CADM2: variants seen among roughly 807,000 people sequenced by gnomAD.
The protein encoded by CADM2 is cell adhesion molecule 2.
In CADM2, 12 loss-of-function variants were observed where a neutral mutation model predicts 49.8. That is an observed-to-expected ratio of 0.24 (90% CI 0.15 to 0.39). CADM2 has a LOEUF of 0.39. CADM2 is among the 10% of genes least tolerant of loss of function. The probability of loss-of-function intolerance (pLI) is 1.00; values close to 1 mark genes in which losing one functional copy is unlikely to be tolerated. For synonymous variants in CADM2, 214 were observed against 175.4 expected, an observed-to-expected ratio of 1.22 and a Z score of -1.74; for missense variants, 378 against 492.3, an observed-to-expected ratio of 0.77 and a Z score of 2.20.
chr3:85,552,551 T>G (rs1245651790), intron 1 of CADM2, among the ~76,000 whole-genome samples: 1 of 151,404 alleles, frequency 6.6e-6, no homozygotes, highest in South Asian at 2.1e-4. Flanking sequence ...TGGCTAATTT[T>G]TTGTATGTTT....
intron 1 of CADM2, among the ~76,000 whole-genome samples, chr3:85,223,985 A>C (rs1446932040): frequency 6.6e-6 from 1 of 152,032 alleles, no homozygotes; most frequent in Non-Finnish European, 1.5e-5. Context: ...TGCCACATTT[A>C]CTTTATCCAG....
chr3:85,556,723 C>T (rs1405903399), intron 1 of CADM2, among the ~76,000 whole-genome samples: 1 of 152,092 alleles, frequency 6.6e-6, no homozygotes, highest in Admixed American at 6.5e-5. Flanking sequence ...TCATTAAGAA[C>T]AGCAGTACAG....
At chr3:85,242,863 C>A (rs1054557779) in intron 1 of CADM2, among the ~76,000 whole-genome samples, 3 of 151,656 alleles carry the variant, frequency 2.0e-5, no homozygotes, top group African/African-American at 7.2e-5. Flanking sequence ...AATTACAACT[C>A]TTGTTCAAAA....
chr3:85,678,322 C>T lies in CADM2; in HGVS notation c.62-48200C>T, dbSNP rs557538610. On this transcript the variant is annotated intron_variant, in intron 1 of 9. Transcript: ENST00000383699. Reference sequence around the variant, plus strand: ...TAAGGCCATCTTTTTTGTCATCCCACCTTAGTACCAGACTTCATCCACTCT... The same window carrying T: ...TAAGGCCATCTTTTTTGTCATCCCATCTTAGTACCAGACTTCATCCACTCT... Among the ~76,000 whole-genome samples the T allele has an allele frequency of 3.9e-5, 6 of 152,216 alleles. No homozygotes were observed. In the South Asian group the frequency reaches 1.2e-3, roughly 32 times the overall value.
intron 3 of CADM2, among the ~76,000 whole-genome samples, chr3:85,876,618 G>A (rs965415595): frequency 3.9e-5 from 6 of 152,088 alleles, no homozygotes; most frequent in African/African-American, 1.4e-4. Flanking sequence ...TCTAAAATGT[G>A]ACATGAATTA....
chr3:85,955,024 G>A (rs997960759), intron 7 of CADM2, among the ~76,000 whole-genome samples: 2 of 151,236 alleles, frequency 1.3e-5, no homozygotes, highest in South Asian at 4.1e-4. Context: ...CTGAAATAAA[G>A]CCAGTAGACA....
intron 1 of CADM2, among the ~76,000 whole-genome samples, chr3:85,174,591 G>A (rs114496326): frequency 0.03 from 4,600 of 151,632 alleles, 99 homozygotes; most frequent in East Asian, 0.045. Flanking sequence ...TAGGGTGACC[G>A]TAAGGAAAAC....
chr3:86,012,954 G>A (rs1731731453), intron 8 of CADM2: 4 of 702,424 alleles, frequency 5.7e-6, no homozygotes, highest in East Asian at 2.8e-5. Flanking sequence ...CAGCCTGGGC[G>A]ACAGCGAGAC....
chr3:85,886,163 T>C, intron 4 of CADM2, 27 bp from the exon 5 acceptor site: 1 of 1,609,816 alleles, frequency 6.2e-7, no homozygotes, highest in South Asian at 1.1e-5. Context: ...AGATTGATGC[T>C]CACTTCATCA....
intron 1 of CADM2, among the ~76,000 whole-genome samples, chr3:85,359,664 A>ATTTTTT (rs1434535137): frequency 3.7e-4 from 11 of 30,024 alleles, no homozygotes; most frequent in South Asian, 1.1e-3. Context: ...ATATATATAT[A>ATTTTTT]TATTTTTTTT....
At position 85,898,121 on chromosome 3, in the gene CADM2, C is replaced by T. The variant is rs575644708; in HGVS notation, c.529+11794C>T. On this transcript the variant is annotated intron_variant, in intron 5 of 9. Coordinates refer to ENST00000383699, the MANE Select transcript of CADM2 (RefSeq NM_001167675.2). Reference sequence around the variant, plus strand: ...TTGAAGTTTTCTTAATGGTGTTAAACGCAGTACCTCAAGACTCAGGCAATA... The same window carrying T: ...TTGAAGTTTTCTTAATGGTGTTAAATGCAGTACCTCAAGACTCAGGCAATA... Among the ~76,000 whole-genome samples the T allele has an allele frequency of 9.2e-5, 14 of 152,148 alleles. No homozygotes were observed. In the East Asian group the frequency reaches 1.7e-3, roughly 19 times the overall value.
At chr3:86,055,652 T>C (rs1409059357) in intron 8 of CADM2, among the ~76,000 whole-genome samples, 1 of 151,840 alleles carries the variant, frequency 6.6e-6, no homozygotes, top group Non-Finnish European at 1.5e-5. Flanking sequence ...TTTAGGGCAC[T>C]AATTCCATTA....
chr3:85,041,776 G>A (rs899386093), intron 1 of CADM2, among the ~76,000 whole-genome samples: 2 of 152,138 alleles, frequency 1.3e-5, no homozygotes, highest in African/African-American at 4.8e-5. Context: ...GAAGAAAATG[G>A]TGTTACTGTT....
chr3:85,102,681 A>C (rs1326093610), intron 1 of CADM2, among the ~76,000 whole-genome samples: 7 of 152,124 alleles, frequency 4.6e-5, no homozygotes, highest in African/African-American at 1.7e-4. Flanking sequence ...AAAAACTAGA[A>C]TTGTCTTAGG....
intron 1 of CADM2, among the ~76,000 whole-genome samples, chr3:85,483,495 G>T (rs2039295594): frequency 6.6e-6 from 1 of 150,798 alleles, no homozygotes; most frequent in Non-Finnish European, 1.5e-5. Context: ...TTTGAGAATT[G>T]ACTTAATTAT....
intron 1 of CADM2, among the ~76,000 whole-genome samples, chr3:85,363,401 G>A (rs1221744238): frequency 6.6e-6 from 1 of 151,956 alleles, no homozygotes; most frequent in South Asian, 2.1e-4. Context: ...AACACCTGTG[G>A]ATTGCATCTA....
chr3:85,888,438 A>G (rs1713971605), intron 5 of CADM2, among the ~76,000 whole-genome samples: 1 of 152,200 alleles, frequency 6.6e-6, no homozygotes, highest in African/African-American at 2.4e-5. Flanking sequence ...GTTTAAAATC[A>G]TCTGAATCAA....
chr3:85,817,473 T>A (rs1310228219), intron 3 of CADM2, among the ~76,000 whole-genome samples: 1 of 152,188 alleles, frequency 6.6e-6, no homozygotes, highest in Non-Finnish European at 1.5e-5. Flanking sequence ...AAATAGTGAA[T>A]TTTGATAAAA....
chr3:85,424,167 A>G (rs6772991), intron 1 of CADM2, among the ~76,000 whole-genome samples: 37,992 of 151,964 alleles, frequency 0.25, 4,921 homozygotes, highest in South Asian at 0.34. Context: ...AGAAATTTTT[A>G]AATAAATTCA....
Sources: gnomAD v4.1 joint callset for allele counts (sites outside exome capture counted in the v4.1 genomes callset) on GRCh38, gnomAD v4.1.1 for gene constraint, MANE v1.5 for transcripts, NCBI Gene and HGNC (gene_info 2026-07-23, HGNC 2026-07-21) for gene names.